Variants in SNX29 observed in about 807,000 individuals in gnomAD.
SNX29 encodes the protein sorting nexin-29.
Under a neutral mutation model 102.1 loss-of-function variants are expected in SNX29, and 78 were observed. The observed-to-expected ratio is 0.76, with a 90% CI of 0.64 to 0.92. The LOEUF (loss-of-function observed/expected upper bound fraction) is 0.92, where lower values mean the gene tolerates loss of function less well. SNX29 is among the 40% of genes least tolerant of loss of function. SNX29 has a pLI of 0.00. For missense variants in SNX29, 1,280 were observed against 1,061.7 expected (o/e 1.21, Z -2.86); for synonymous variants, 580 against 414.5 (o/e 1.40, Z -4.85).
Position 12,570,335 on chromosome 16 carries a change from C to G in SNX29, c.*1706C>G. 1.3e-6 allele frequency: 1 copy of G among 771,580 alleles called. No individual in the cohort carries two copies. The highest frequency in any genetic ancestry group is 5.4e-5 in the Admixed American group (1 of 18,366). 47.8% of individuals were successfully genotyped at this position (771,580 alleles called of 1,614,324 possible). On this transcript the variant is annotated 3_prime_UTR_variant, in exon 21 of 21. Transcript: ENST00000566228. ...ATCCTGTAAAGGCAACTTGGTCTCCCTCCCACTCACCTGCCAACATTGCTG... is the reference window on the plus strand; with the variant it reads ...ATCCTGTAAAGGCAACTTGGTCTCCGTCCCACTCACCTGCCAACATTGCTG...
intron 20 of SNX29, among the ~76,000 whole-genome samples, chr16:12,529,734 C>G (rs1017890904): frequency 2.0e-5 from 3 of 151,922 alleles, no homozygotes; most frequent in African/African-American, 4.8e-5. Flanking sequence ...CCATTTTTTG[C>G]TGAAATATGA....
chr16:12,549,057 C>G (rs1375929932), intron 20 of SNX29, among the ~76,000 whole-genome samples: 1 of 152,202 alleles, frequency 6.6e-6, no homozygotes, highest in African/African-American at 2.4e-5. Context: ...ACTCTTGCAG[C>G]TGGGCAGGCA....
At chr16:12,474,336 G>T (rs1371882244) in intron 18 of SNX29, among the ~76,000 whole-genome samples, 1 of 152,174 alleles carries the variant, frequency 6.6e-6, no homozygotes, top group East Asian at 1.9e-4. Flanking sequence ...ATGAGTTTTA[G>T]GTACCTAGGG....
At position 12,572,299 on chromosome 16, in the gene SNX29, C is replaced by T; in HGVS notation, c.*3670C>T. 1.1e-6 allele frequency: 1 copy of T among 920,564 alleles called. No homozygotes were observed. Among genetic ancestry groups the T allele is most frequent in the Non-Finnish European group, 1.2e-6 (1 of 815,340 alleles). 57.0% of individuals were successfully genotyped at this position (920,564 alleles called of 1,614,324 possible). ...ACTAACAAGTACTGGGGCCAGTGAT[C>T]ACAATCCAGGTTGGAAACAGGAGTG... is the stretch of plus-strand genomic sequence containing the variant. On this transcript the variant is annotated 3_prime_UTR_variant, in exon 21 of 21. Transcript: ENST00000566228.
intron 20 of SNX29, among the ~76,000 whole-genome samples, chr16:12,537,508 C>A (rs563249998): frequency 1.1e-3 from 164 of 152,258 alleles, no homozygotes; most frequent in Admixed American, 2.2e-3. Context: ...ATTTCACAGG[C>A]TTGTTGGGAG....
chr16:12,183,837 G>T (rs1216704141), intron 13 of SNX29, among the ~76,000 whole-genome samples: 1 of 152,158 alleles, frequency 6.6e-6, no homozygotes, highest in African/African-American at 2.4e-5. Flanking sequence ...CCAAAACCAC[G>T]ATGACGATGA....
At chr16:12,286,480 G>A (rs2079602108) in intron 15 of SNX29, among the ~76,000 whole-genome samples, 1 of 151,610 alleles carries the variant, frequency 6.6e-6, no homozygotes, top group African/African-American at 2.4e-5. Flanking sequence ...CAAGTAGCTG[G>A]GACTACAGGC....
chr16:12,514,422 A>G (rs1370866850), intron 19 of SNX29, among the ~76,000 whole-genome samples: 1 of 151,868 alleles, frequency 6.6e-6, no homozygotes, highest in African/African-American at 2.4e-5. Flanking sequence ...TTTCTCTCCC[A>G]CTGTCGTAGA....
chr16:12,110,546 G>C (rs1219332053), intron 11 of SNX29, among the ~76,000 whole-genome samples: 1 of 152,176 alleles, frequency 6.6e-6, no homozygotes, highest in Non-Finnish European at 1.5e-5. Flanking sequence ...TGCTAGGGAA[G>C]AGCAGGTGTG....
chr16:12,203,802 G>A (rs559720887), intron 14 of SNX29, among the ~76,000 whole-genome samples: 2 of 152,328 alleles, frequency 1.3e-5, no homozygotes, highest in South Asian at 4.1e-4. Flanking sequence ...AGATTCCCCT[G>A]CTAGGATTGG....
rs182802302 is a variant in SNX29 at position 12,430,635 on chromosome 16, C to T, written c.2037+27106C>T. 4.4e-3 allele frequency among the ~76,000 whole-genome samples: 669 copies of T among 152,292 alleles called. 2 individuals carry two copies. Among genetic ancestry groups the T allele is most frequent in the South Asian group, 0.016 (76 of 4,824 alleles). Reference sequence around the variant, plus strand: ...TAATAAAGTGTTATTACTTGTAAAGCACTTATATAGTCCCAGTAATATAGC... The same window carrying T: ...TAATAAAGTGTTATTACTTGTAAAGTACTTATATAGTCCCAGTAATATAGC... On this transcript the variant is annotated intron_variant, in intron 18 of 20. Coordinates refer to ENST00000566228, the MANE Select transcript of SNX29 (RefSeq NM_032167.5).
chr16:12,479,142 C>T (rs951124373), intron 19 of SNX29, among the ~76,000 whole-genome samples: 6 of 152,202 alleles, frequency 3.9e-5, no homozygotes, highest in South Asian at 2.1e-4. Context: ...CTGATTCACA[C>T]GCTCTGGGGC....
At chr16:12,177,325 C>T (rs1455006138) in intron 13 of SNX29, among the ~76,000 whole-genome samples, 1 of 152,154 alleles carries the variant, frequency 6.6e-6, no homozygotes, top group Non-Finnish European at 1.5e-5. Context: ...CCTCAGTTTA[C>T]TTAGCTGTAA....
chr16:12,241,282 A>G (rs1378009575), intron 14 of SNX29, among the ~76,000 whole-genome samples: 5 of 152,188 alleles, frequency 3.3e-5, no homozygotes, highest in African/African-American at 1.2e-4. Context: ...ACAAAAAAAG[A>G]AAACTGGCTT....
At chr16:12,535,741 C>T (rs564309660) in intron 20 of SNX29, among the ~76,000 whole-genome samples, 1 of 152,132 alleles carries the variant, frequency 6.6e-6, no homozygotes, top group African/African-American at 2.4e-5. Flanking sequence ...CTTGGTCACG[C>T]TCGTCTTCCA....
At chr16:12,546,061 G>C (rs1487164140) in intron 20 of SNX29, among the ~76,000 whole-genome samples, 1 of 152,186 alleles carries the variant, frequency 6.6e-6, no homozygotes, top group Non-Finnish European at 1.5e-5. Context: ...GAGTGAAGCA[G>C]TCCTGGGTTT....
chr16:12,314,105 C>G (rs2080653925), intron 15 of SNX29, among the ~76,000 whole-genome samples: 1 of 152,256 alleles, frequency 6.6e-6, no homozygotes, highest in Non-Finnish European at 1.5e-5. Flanking sequence ...CCCACCTCAG[C>G]CTCCTGAGTA....
Position 12,207,234 on chromosome 16 carries a change from T to G in SNX29, c.1678+7551T>G, listed in dbSNP as rs570377252. Among the ~76,000 whole-genome samples the G allele has an allele frequency of 1.1e-3, 166 of 152,250 alleles. 2 individuals are homozygous for G. The Middle Eastern group carries it at 0.017, about 16-fold the overall frequency. ...AAATACAAAAATTAGCTAGGTGTGG[T>G]GGCAGGCGCCTGTAATCCTAGTTAC... On this transcript the variant is annotated intron_variant, in intron 14 of 20. Transcript: ENST00000566228.
intron 16 of SNX29, among the ~76,000 whole-genome samples, chr16:12,380,332 AC>A (rs1458753436): frequency 8.4e-5 from 4 of 47,628 alleles, no homozygotes; most frequent in African/African-American, 1.8e-4. Flanking sequence ...ACCCACCCAT[AC>A]CCCCCACCCA....
Sources: allele counts gnomAD v4.1 joint callset (sites outside exome capture counted in the v4.1 genomes callset), GRCh38; gene constraint gnomAD v4.1.1; transcripts MANE v1.5; gene names NCBI Gene and HGNC (gene_info 2026-07-23, HGNC 2026-07-21).